Variants in SKAP1 observed in about 807,000 individuals in gnomAD.
SKAP1 encodes the protein src kinase associated phosphoprotein 1.
A neutral mutation model predicts 58.5 loss-of-function variants in SKAP1; 44 were observed. That is an observed-to-expected ratio of 0.75 (90% CI 0.59 to 0.97). The LOEUF is 0.97. Among genes scored for constraint, SKAP1 ranks in the 50% least tolerant of loss-of-function variants. SKAP1 has a pLI of 0.00. For missense variants in SKAP1, 390 were observed against 435.2 expected (o/e 0.90, Z 0.92); for synonymous variants, 127 against 149.7 (o/e 0.85, Z 1.11).
intron 4 of SKAP1, among the ~76,000 whole-genome samples, chr17:48,305,817 T>C (rs2066132722): frequency 6.6e-6 from 1 of 152,250 alleles, no homozygotes; most frequent in African/African-American, 2.4e-5. Context: ...AGAGGCAGAC[T>C]GGGAGAATTT....
At chr17:48,408,700 C>T (rs2077030920) in intron 1 of SKAP1, among the ~76,000 whole-genome samples, 1 of 152,064 alleles carries the variant, frequency 6.6e-6, no homozygotes, top group Non-Finnish European at 1.5e-5. Context: ...GCAAAAATGT[C>T]ATCTAATGGT....
At chr17:48,157,367 C>T (rs1301134893) in intron 11 of SKAP1, among the ~76,000 whole-genome samples, 2 of 151,878 alleles carry the variant, frequency 1.3e-5, no homozygotes, top group Non-Finnish European at 2.9e-5. Context: ...TCCTGAGTAG[C>T]TGGGATTACA....
chr17:48,329,761 G>C (rs1451668679), intron 4 of SKAP1, among the ~76,000 whole-genome samples: 2 of 152,094 alleles, frequency 1.3e-5, no homozygotes, highest in Non-Finnish European at 2.9e-5. Context: ...CTGTGAGGCA[G>C]TGTGGCATAC....
At chr17:48,420,018 A>C (rs5000249) in intron 1 of SKAP1, among the ~76,000 whole-genome samples, 50,101 of 152,052 alleles carry the variant, frequency 0.33, 8,975 homozygotes, top group African/African-American at 0.46. Flanking sequence ...TGGAACTCAA[A>C]GACTCCAAAC....
At chr17:48,178,857 G>T (rs565411864) in intron 9 of SKAP1, among the ~76,000 whole-genome samples, 1 of 152,264 alleles carries the variant, frequency 6.6e-6, no homozygotes, top group East Asian at 1.9e-4. Context: ...TGGAGAAGTC[G>T]GGACTGGTAG....
intron 7 of SKAP1, 78 bp from the exon 8 acceptor site, chr17:48,182,535 G>A: frequency 1.0e-6 from 1 of 979,596 alleles, no homozygotes; most frequent in Non-Finnish European, 1.6e-6. Flanking sequence ...CCAAGGGGGA[G>A]GAACCACTGA....
chr17:48,151,671 G>A (rs1346158716), intron 11 of SKAP1, among the ~76,000 whole-genome samples: 1 of 152,092 alleles, frequency 6.6e-6, no homozygotes, highest in African/African-American at 2.4e-5. Flanking sequence ...CTTCTCCTTT[G>A]TTTAATAGTT....
intron 4 of SKAP1, among the ~76,000 whole-genome samples, chr17:48,237,109 A>G (rs1243991623): frequency 3.3e-5 from 5 of 152,140 alleles, no homozygotes; most frequent in African/African-American, 1.2e-4. Context: ...GAAACCATCC[A>G]CTTACTTGTT....
chr17:48,215,659 A>AT lies in SKAP1; in HGVS notation c.281-26160dup, dbSNP rs906644905. ...CTTTTTGCTAAGGTTCTTAACAGAA[A>AT]TTTTTTTTTTTCCTGCTGTTGGATG... On this transcript the variant is annotated intron_variant, in intron 4 of 12. Coordinates refer to ENST00000336915, the MANE Select transcript of SKAP1 (RefSeq NM_003726.4). Among the ~76,000 whole-genome samples, 53 of 150,012 alleles carry AT rather than the reference A, an allele frequency of 3.5e-4. No homozygotes were observed. In the East Asian group the frequency reaches 3.7e-3, roughly 11 times the overall value.
At chr17:48,350,359 CTA>C (rs1458240827) in intron 3 of SKAP1, among the ~76,000 whole-genome samples, 1 of 152,172 alleles carries the variant, frequency 6.6e-6, no homozygotes, top group Non-Finnish European at 1.5e-5. Context: ...TATAAAGACT[CTA>C]TTCATATTTG....
At chr17:48,376,257 G>A (rs1169854907) in intron 2 of SKAP1, among the ~76,000 whole-genome samples, 2 of 151,948 alleles carry the variant, frequency 1.3e-5, no homozygotes, top group Non-Finnish European at 2.9e-5. Context: ...TATACTCACT[G>A]AATTTTACAG....
chr17:48,181,470 T>C lies in SKAP1; in HGVS notation c.631+924A>G, dbSNP rs116493758. ...TTCCAGTCTATTATACGTGACGCTGTTGGTAGATGCAATAGTTTGCTTTTG... is the reference window on the plus strand; with the variant it reads ...TTCCAGTCTATTATACGTGACGCTGCTGGTAGATGCAATAGTTTGCTTTTG... On this transcript the variant is annotated intron_variant, in intron 8 of 12. Coordinates refer to ENST00000336915, the MANE Select transcript of SKAP1 (RefSeq NM_003726.4). Among the ~76,000 whole-genome samples, 519 of 152,340 alleles carry C rather than the reference T, an allele frequency of 3.4e-3. 4 individuals are homozygous for C. Among genetic ancestry groups the C allele is most frequent in the African/African-American group, 0.012 (484 of 41,566 alleles).
chr17:48,170,562 GC>G (rs765683320), intron 10 of SKAP1, 46 bp downstream of exon 10: 5 of 1,501,848 alleles, frequency 3.3e-6, no homozygotes, highest in Non-Finnish European at 4.6e-6. Flanking sequence ...CTAATCAGAA[GC>G]CCATAATGTC....
intron 4 of SKAP1, among the ~76,000 whole-genome samples, chr17:48,211,728 G>A (rs1372617401): frequency 6.6e-6 from 1 of 152,186 alleles, no homozygotes; most frequent in Non-Finnish European, 1.5e-5. Context: ...CCTCTATGGT[G>A]TTGGTAGTTT....
chr17:48,137,174 TG>T, intron 12 of SKAP1, 54 bp downstream of exon 12: 1 of 1,083,522 alleles, frequency 9.2e-7, no homozygotes, highest in Non-Finnish European at 1.4e-6. Flanking sequence ...AACAAAGTAG[TG>T]GCCCACAAGT....
At chr17:48,412,499 G>T (rs1022849474) in intron 1 of SKAP1, among the ~76,000 whole-genome samples, 2 of 152,128 alleles carry the variant, frequency 1.3e-5, no homozygotes, top group Non-Finnish European at 2.9e-5. Context: ...GTAGTAGTGC[G>T]ATCAGCTCAA....
chr17:48,367,954 T>C (rs2067031386), intron 2 of SKAP1, among the ~76,000 whole-genome samples: 1 of 151,952 alleles, frequency 6.6e-6, no homozygotes, highest in African/African-American at 2.4e-5. Context: ...AAAAATTATA[T>C]GTAGAATTTG....
At chr17:48,284,523 G>A (rs1372489240) in intron 4 of SKAP1, among the ~76,000 whole-genome samples, 2 of 152,176 alleles carry the variant, frequency 1.3e-5, no homozygotes, top group East Asian at 3.9e-4. Context: ...GAGTACACAG[G>A]TGACTTCTAT....
At chr17:48,441,361 A>T in the SKAP1 span, among the ~76,000 whole-genome samples, 1 of 152,102 alleles carries the variant, frequency 6.6e-6, no homozygotes, top group South Asian at 2.1e-4. Flanking sequence ...CAGAACCACA[A>T]GAGCATCAGG....
Sources: gnomAD v4.1 joint callset for allele counts (sites outside exome capture counted in the v4.1 genomes callset) on GRCh38, gnomAD v4.1.1 for gene constraint, MANE v1.5 for transcripts, NCBI Gene and HGNC (gene_info 2026-07-23, HGNC 2026-07-21) for gene names.